The following PACC1 variants were observed in gnomAD, a reference collection of about 807,000 sequenced individuals.
PACC1 encodes proton-activated chloride channel.
In PACC1, 34 loss-of-function variants were observed where a neutral mutation model predicts 39.7. The ratio of observed to expected loss-of-function variants is 0.86; its 90% CI spans 0.65 to 1.14. The LOEUF (loss-of-function observed/expected upper bound fraction) is 1.14. Among genes scored for constraint, PACC1 ranks in the 50% most tolerant of loss-of-function variants. The pLI is 0.00. For synonymous variants in PACC1, 127 were observed against 160.6 expected (o/e 0.79, Z 1.58); for missense variants, 379 against 436.4 (o/e 0.87, Z 1.17).
chr1:212,402,198 C>T (rs998594699), intron 2 of PACC1, among the ~76,000 whole-genome samples: 1 of 152,098 alleles, frequency 6.6e-6, no homozygotes, highest in Non-Finnish European at 1.5e-5. Flanking sequence ...AATTGCTGGC[C>T]CATATGGTAA....
At chr1:212,367,432 C>T (rs2102462229) in intron 7 of PACC1, among the ~76,000 whole-genome samples, 1 of 152,298 alleles carries the variant, frequency 6.6e-6, no homozygotes, top group East Asian at 1.9e-4. Flanking sequence ...AATTCTGAGG[C>T]CCTGATTCCA....
intron 4 of PACC1, among the ~76,000 whole-genome samples, chr1:212,384,595 T>C (rs189726785): frequency 7.9e-5 from 12 of 152,360 alleles, no homozygotes; most frequent in African/African-American, 2.6e-4. Context: ...TGGAAAACTA[T>C]TGTAGCCCCT....
intron 5 of PACC1, 151 bp downstream of exon 5, chr1:212,379,744 G>T: frequency 1.1e-6 from 1 of 908,236 alleles, no homozygotes; most frequent in Non-Finnish European, 1.7e-6. Flanking sequence ...GACCGGCCAA[G>T]CTCATGAGGT....
chr1:212,366,425 C>G (rs1449327228), intron 7 of PACC1, among the ~76,000 whole-genome samples: 1 of 151,756 alleles, frequency 6.6e-6, no homozygotes, highest in African/African-American at 2.4e-5. Flanking sequence ...CTCAGCCTCC[C>G]GAGTAGCTGA....
At chr1:212,374,409 T>C (rs1660574345) in intron 7 of PACC1, among the ~76,000 whole-genome samples, 1 of 151,970 alleles carries the variant, frequency 6.6e-6, no homozygotes, top group Non-Finnish European at 1.5e-5. Context: ...TACCAGAGGC[T>C]GGGAAGGGTT....
intron 2 of PACC1, among the ~76,000 whole-genome samples, chr1:212,389,023 C>T (rs1661207232): frequency 1.3e-5 from 2 of 152,158 alleles, no homozygotes; most frequent in African/African-American, 4.8e-5. Flanking sequence ...CTTTGGACAA[C>T]ATATTTTAAA....
chr1:212,385,505 C>G, intron 3 of PACC1, 80 bp from the exon 4 acceptor site: 1 of 1,488,052 alleles, frequency 6.7e-7, no homozygotes, highest in South Asian at 1.2e-5. Flanking sequence ...CACCTACCAA[C>G]AACCTACGTT....
At chr1:212,380,283 T>C (rs976800460) in intron 4 of PACC1, among the ~76,000 whole-genome samples, 1 of 152,190 alleles carries the variant, frequency 6.6e-6, no homozygotes, top group African/African-American at 2.4e-5. Context: ...GTTCTTTGAG[T>C]TATGGAAGCT....
intron 2 of PACC1, among the ~76,000 whole-genome samples, chr1:212,390,510 G>A (rs548491914): frequency 5.9e-5 from 9 of 151,906 alleles, no homozygotes; most frequent in South Asian, 4.2e-4. Context: ...AGCTCCCAGC[G>A]AGAGAGATGC....
intron 2 of PACC1, among the ~76,000 whole-genome samples, chr1:212,406,185 A>G (rs1374788762): frequency 6.8e-6 from 1 of 146,222 alleles, no homozygotes; most frequent in African/African-American, 2.5e-5. Context: ...AATGGCAACC[A>G]CTATCACCAT....
At chr1:212,369,232 T>C (rs1660356068) in intron 7 of PACC1, among the ~76,000 whole-genome samples, 1 of 152,028 alleles carries the variant, frequency 6.6e-6, no homozygotes, top group Non-Finnish European at 1.5e-5. Flanking sequence ...AAACCTATAA[T>C]GGATATAATA....
chr1:212,380,062 C>G (rs1430421607), intron 4 of PACC1, 25 bp from the exon 5 acceptor site: 2 of 1,612,188 alleles, frequency 1.2e-6, no homozygotes, highest in African/African-American at 2.7e-5. Context: ...AGGACAGAGT[C>G]TCAGTCCTGG....
At chr1:212,377,347 AGGACTGGCC>A (rs1242331850) in intron 6 of PACC1, among the ~76,000 whole-genome samples, 1 of 152,196 alleles carries the variant, frequency 6.6e-6, no homozygotes, top group Non-Finnish European at 1.5e-5. Context: ...GCATTCCGTG[AGGACTGGCC>A]GGTATGTGCG....
chr1:212,410,487 G>C lies in PACC1; in HGVS notation c.71C>G (p.Ser24Ter). 2 of 1,614,204 alleles carry C rather than the reference G, an allele frequency of 1.2e-6. No homozygotes were observed. The highest frequency in any genetic ancestry group is 1.1e-5 in the South Asian group (1 of 91,082). Residue 24 changes from serine (S) to a stop codon, truncating the protein, a stop_gained, in exon 2 of 8, where the codon TCA becomes TGA. Coordinates refer to ENST00000261455, the MANE Select transcript of PACC1 (RefSeq NM_018252.3). LOFTEE classifies it high-confidence loss of function. ...SEELVQVVEN[S>*]ELADEQDKET... is the part of the protein sequence containing the mutation. Reference sequence around the variant, plus strand: ...CTTGTCCTGCTCGTCTGCCAGCTCTGAGTTCTCAACCACCTGGACCAACTC... The same window carrying C: ...CTTGTCCTGCTCGTCTGCCAGCTCTCAGTTCTCAACCACCTGGACCAACTC...
At chr1:212,401,069 T>A (rs1015083097) in intron 2 of PACC1, among the ~76,000 whole-genome samples, 7 of 152,208 alleles carry the variant, frequency 4.6e-5, no homozygotes, top group African/African-American at 9.6e-5. Context: ...TTCTCTTTTT[T>A]AGATATAATT....
intron 4 of PACC1, among the ~76,000 whole-genome samples, chr1:212,384,233 A>G (rs148170474): frequency 0.012 from 1,867 of 152,202 alleles, 28 homozygotes; most frequent in Non-Finnish European, 0.015. Context: ...AGTCTGTTCT[A>G]TCTCATTCCT....
At chr1:212,369,025 C>CAAA (rs60126911) in intron 7 of PACC1, among the ~76,000 whole-genome samples, 4 of 122,840 alleles carry the variant, frequency 3.3e-5, no homozygotes, top group Admixed American at 7.9e-5. Context: ...GACTCCGTCT[C>CAAA]AAAAAAAAAA....
chr1:212,375,940 C>G (rs552500064), intron 6 of PACC1, among the ~76,000 whole-genome samples: 90 of 152,290 alleles, frequency 5.9e-4, no homozygotes, highest in African/African-American at 2.2e-3. Context: ...GTAAGACTCA[C>G]AATTAAAAGC....
intron 4 of PACC1, among the ~76,000 whole-genome samples, chr1:212,384,263 G>A (rs1042895865): frequency 2.0e-5 from 3 of 152,050 alleles, no homozygotes; most frequent in Non-Finnish European, 4.4e-5. Context: ...ATTTTAGCAG[G>A]ATTTTAGGAG....
Sources: allele counts gnomAD v4.1 joint callset (sites outside exome capture counted in the v4.1 genomes callset), GRCh38; gene constraint gnomAD v4.1.1; transcripts MANE v1.5; gene names NCBI Gene and HGNC (gene_info 2026-07-23, HGNC 2026-07-21).